Variants in AIM2 observed in about 807,000 individuals in gnomAD.
The protein encoded by AIM2 is interferon-inducible protein AIM2.
Under a neutral mutation model 27.7 loss-of-function variants are expected in AIM2, and 30 were observed. That is an observed-to-expected ratio of 1.08 (90% CI 0.81 to 1.47). The LOEUF is 1.47. Ranked by LOEUF, AIM2 falls within the 40% of genes most tolerant of loss-of-function variation. AIM2 has a pLI of 0.00. For synonymous variants in AIM2, 141 were observed against 145.3 expected (o/e 0.97, Z 0.21); for missense variants, 358 against 411.3 (o/e 0.87, Z 1.12).
chr1:159,135,586 C>T (rs1647997836), intron 1 of AIM2, among the ~76,000 whole-genome samples: 1 of 152,184 alleles, frequency 6.6e-6, no homozygotes, highest in South Asian at 2.1e-4. Flanking sequence ...AAGCACAAAC[C>T]TTAAAAAGCA....
intron 1 of AIM2, among the ~76,000 whole-genome samples, chr1:159,109,227 C>G (rs956563134): frequency 3.3e-5 from 5 of 152,088 alleles, no homozygotes; most frequent in African/African-American, 1.2e-4. Context: ...AGCAATGGAA[C>G]AGAATAGAGA....
At chr1:159,090,006 TC>T (rs543644964) in intron 1 of AIM2, among the ~76,000 whole-genome samples, 47 of 152,262 alleles carry the variant, frequency 3.1e-4, no homozygotes, top group Middle Eastern at 6.8e-3. Context: ...GTTGCATCCT[TC>T]CATGGAGAAA....
chr1:159,076,297 C>T (rs924165542), intron 1 of AIM2, among the ~76,000 whole-genome samples: 1 of 152,104 alleles, frequency 6.6e-6, no homozygotes, highest in African/African-American at 2.4e-5. Flanking sequence ...GTTATGTTGC[C>T]TTATAAATGA....
intron 1 of AIM2, among the ~76,000 whole-genome samples, chr1:159,097,069 CA>C (rs1657196351): frequency 6.6e-6 from 1 of 151,956 alleles, no homozygotes; most frequent in Admixed American, 6.6e-5. Flanking sequence ...TTCACCCCTA[CA>C]AGGGCATGAA....
At position 159,112,961 on chromosome 1, in the gene AIM2, T is replaced by G. The variant is rs568261037; in HGVS notation, c.-16+27470A>C. ...TATATATATATATATAATTTTTTTT[T>G]TGGGACGGAGTCTCACTCTGTCGCC... On this transcript the variant is annotated intron_variant, in intron 1 of 2. Coordinates refer to the AIM2 transcript ENST00000368129. Among the ~76,000 whole-genome samples the G allele has an allele frequency of 5.6e-3, 780 of 140,438 alleles. 3 individuals are homozygous for G. Among genetic ancestry groups the G allele is most frequent in the African/African-American group, 0.023 (714 of 31,076 alleles). The allele number at this position is 140,438 out of a possible 152,430, so 92.1% of individuals were successfully genotyped here.
chr1:159,130,006 C>T (rs913763626), intron 1 of AIM2, among the ~76,000 whole-genome samples: 19 of 152,250 alleles, frequency 1.2e-4, no homozygotes, highest in Admixed American at 6.5e-5. Context: ...TGTCACTCCA[C>T]TGAAGCTTCC....
intron 1 of AIM2, among the ~76,000 whole-genome samples, chr1:159,107,295 T>C (rs1004862365): frequency 6.6e-6 from 1 of 151,306 alleles, no homozygotes; most frequent in Non-Finnish European, 1.5e-5. Flanking sequence ...TCAACAGATG[T>C]ACATGTGTGT....
At chr1:159,146,665 C>T (rs1212977303) in intron 1 of AIM2, among the ~76,000 whole-genome samples, 1 of 152,128 alleles carries the variant, frequency 6.6e-6, no homozygotes, top group Non-Finnish European at 1.5e-5. Flanking sequence ...CTACACCAAA[C>T]ACATTGGCCA....
In AIM2 at chr1:159,070,269, A is replaced by T. The variant is rs150511804; in HGVS notation, c.263-1568T>A. 2.6e-5 allele frequency among the ~76,000 whole-genome samples: 4 copies of T among 152,278 alleles called. No homozygotes were observed. In the East Asian group the frequency reaches 7.7e-4, roughly 29 times the overall value. The stretch of plus-strand genomic sequence containing the variant: ...TACAAAATTTGGATTTGTTTTTAAA[A>T]CCTTGTTTTATCATAAGAACCTAAA... On this transcript the variant is annotated intron_variant, in intron 2 of 5. Transcript: ENST00000368130.
intron 4 of AIM2, among the ~76,000 whole-genome samples, chr1:159,064,237 C>G (rs1460369485): frequency 6.6e-6 from 1 of 152,036 alleles, no homozygotes; most frequent in African/African-American, 2.4e-5. Flanking sequence ...AGGTATATAT[C>G]TAATAGATGT....
intron 1 of AIM2, among the ~76,000 whole-genome samples, chr1:159,107,331 TGC>T (rs1553219122): frequency 2.0e-5 from 3 of 150,264 alleles, no homozygotes; most frequent in Non-Finnish European, 4.5e-5. Flanking sequence ...TGTGTGTGTG[TGC>T]GCGCACTATA....
At chr1:159,097,305 T>C (rs1197747769) in intron 1 of AIM2, among the ~76,000 whole-genome samples, 2 of 152,146 alleles carry the variant, frequency 1.3e-5, no homozygotes, top group East Asian at 3.9e-4. Flanking sequence ...CATAACAGAA[T>C]AAATTAGAAG....
intron 1 of AIM2, among the ~76,000 whole-genome samples, chr1:159,124,082 ATC>A (rs1647613288): frequency 6.6e-6 from 1 of 152,012 alleles, no homozygotes; most frequent in African/African-American, 2.4e-5. Context: ...CTCCCTCATA[ATC>A]TCTGTCCTCC....
intron 1 of AIM2, among the ~76,000 whole-genome samples, chr1:159,092,381 A>AATATAT (rs1657068897): frequency 2.0e-5 from 3 of 152,326 alleles, no homozygotes; most frequent in Admixed American, 2.0e-4. Context: ...CCTAACTATG[A>AATATAT]ATAAGTTAAA....
intron 4 of AIM2, 91 bp downstream of exon 4, chr1:159,065,819 G>C: frequency 1.5e-6 from 2 of 1,337,506 alleles, no homozygotes. Flanking sequence ...TATATAGAAA[G>C]ACATTAAAAC....
intron 1 of AIM2, among the ~76,000 whole-genome samples, chr1:159,105,186 G>A (rs976967665): frequency 6.6e-6 from 1 of 152,228 alleles, no homozygotes; most frequent in Admixed American, 6.5e-5. Flanking sequence ...TGCTGCGGCA[G>A]GGCAGGCAGC....
chr1:159,116,906 A>G (rs1051311853), intron 1 of AIM2, among the ~76,000 whole-genome samples: 3 of 152,138 alleles, frequency 2.0e-5, no homozygotes, highest in African/African-American at 7.2e-5. Context: ...CCTGAATGCT[A>G]CAGGGAGAAA....
chr1:159,106,669 A>C lies in AIM2; in HGVS notation c.-16+33762T>G, dbSNP rs1419861890. Among the ~76,000 whole-genome samples the C allele has an allele frequency of 2.0e-5, 3 of 152,214 alleles. No homozygotes were observed. The South Asian group carries it at 6.2e-4, about 32-fold the overall frequency. ...GGATTAGAACATTCTCTGTCTCCTG[A>C]ATACTTTCCTACAAAATCCCAAAAG... On this transcript the variant is annotated intron_variant, in intron 1 of 2. Transcript: ENST00000368129.
chr1:159,065,319 C>T (rs1326235359), intron 4 of AIM2, among the ~76,000 whole-genome samples: 6 of 152,184 alleles, frequency 3.9e-5, no homozygotes, highest in African/African-American at 7.2e-5. Context: ...CGCCTCTGCC[C>T]GGCCGCCGTG....
Sources: allele counts gnomAD v4.1 joint callset (sites outside exome capture counted in the v4.1 genomes callset), GRCh38; gene constraint gnomAD v4.1.1; transcripts MANE v1.5; gene names NCBI Gene and HGNC (gene_info 2026-07-23, HGNC 2026-07-21).